Variants in CRISP1 observed in about 807,000 individuals in gnomAD.
The protein encoded by CRISP1 is cysteine-rich secretory protein 1.
In CRISP1, 44 loss-of-function variants were observed where a neutral mutation model predicts 33.1. That is an observed-to-expected ratio of 1.33 (90% confidence interval 1.05 to 1.71). The LOEUF is 1.71. Ranked by LOEUF, CRISP1 falls within the 40% of genes most tolerant of loss-of-function variation. The pLI is 0.00. For synonymous variants in CRISP1, 103 were observed against 98.7 expected, an observed-to-expected ratio of 1.04 and a Z score of -0.26; for missense variants, 390 against 301.2, an observed-to-expected ratio of 1.29 and a Z score of -2.18.
chr6:49,866,832 T>C (rs1771810387), upstream of CRISP1, among the ~76,000 whole-genome samples: 1 of 152,168 alleles, frequency 6.6e-6, no homozygotes, highest in Admixed American at 6.6e-5. Flanking sequence ...TTCTCAACTT[T>C]ATTAAATTCA....
At position 49,852,131 on chromosome 6, in the gene CRISP1, T is replaced by G. The variant is rs9463545; in HGVS notation, c.67-2A>C. 156 of 1,609,560 alleles carry G rather than the reference T, an allele frequency of 9.7e-5. No individual in the cohort carries two copies. The African/African-American group carries it at 1.9e-3, about 19-fold the overall frequency. On this transcript the variant is annotated splice_acceptor_variant, in intron 2 of 7. Transcript: ENST00000335847. LOFTEE classifies it high-confidence loss of function. ...AAATTGGTCTCTAGCTGATTTCTTC[T>G]GTTACCAGAAAAATATTAATTAGTG...
chr6:49,846,329 G>A (rs1394013588), intron 5 of CRISP1, among the ~76,000 whole-genome samples, 191 bp downstream of exon 5: 1 of 152,056 alleles, frequency 6.6e-6, no homozygotes, highest in Non-Finnish European at 1.5e-5. Context: ...GATACTAAGA[G>A]GTTAAGCATC....
chr6:49,872,763 T>G (rs1771954904), intron 1 of CRISP1, among the ~76,000 whole-genome samples: 1 of 152,150 alleles, frequency 6.6e-6, no homozygotes, highest in African/African-American at 2.4e-5. Flanking sequence ...GGTCTATATC[T>G]CTTTTTTGGT....
chr6:49,836,931 C>A (rs12216534), intron 7 of CRISP1, among the ~76,000 whole-genome samples: 14,708 of 151,978 alleles, frequency 0.097, 991 homozygotes, highest in Non-Finnish European at 0.15. Context: ...CTATCTTTAT[C>A]CTACTTTATT....
At chr6:49,872,220 A>G (rs1460254180) in intron 1 of CRISP1, among the ~76,000 whole-genome samples, 21 of 150,992 alleles carry the variant, frequency 1.4e-4, no homozygotes, top group African/African-American at 4.6e-4. Context: ...GTCTGTTCAT[A>G]TCCTTTGCCC....
chr6:49,851,081 A>G (rs941155206), intron 3 of CRISP1, among the ~76,000 whole-genome samples: 2 of 152,240 alleles, frequency 1.3e-5, no homozygotes, highest in Non-Finnish European at 2.9e-5. Context: ...TGGCTACAAC[A>G]CCATGCAGGA....
Position 49,848,265 on chromosome 6 carries a change from A to C in CRISP1, c.230T>G (p.Ile77Ser), listed in dbSNP as rs776687955. 5.6e-6 allele frequency: 9 copies of C among 1,608,790 alleles called. No homozygotes were observed. The East Asian group carries it at 2.0e-4, about 36-fold the overall frequency. ...TGTCATATCACAATACTTTGAAAAA[A>C]TTCTGGCATTTTGTGCAGCCTCTTC... The part of the protein sequence containing the change: ...WSEEAAQNAR[I>S]FSKYCDMTES... Residue 77 changes from isoleucine to serine, a missense_variant, in exon 4 of 8, where the codon ATT becomes AGT. Coordinates refer to ENST00000335847, the MANE Select transcript of CRISP1 (RefSeq NM_001131.3).
At chr6:49,864,827 T>C (rs1771758341) in intron 1 of CRISP1, among the ~76,000 whole-genome samples, 3 of 152,184 alleles carry the variant, frequency 2.0e-5, no homozygotes, top group Admixed American at 2.0e-4. Flanking sequence ...GTTTTACGAA[T>C]ACCTTCCCTT....
chr6:49,847,615 A>T (rs1324518993), intron 4 of CRISP1, among the ~76,000 whole-genome samples: 9 of 152,154 alleles, frequency 5.9e-5, no homozygotes, highest in Admixed American at 5.9e-4. Context: ...AAGCTAATGA[A>T]ATCTCTTCTT....
At chr6:49,852,398 A>G (rs1771375945) in intron 2 of CRISP1, among the ~76,000 whole-genome samples, 1 of 152,090 alleles carries the variant, frequency 6.6e-6, no homozygotes. Context: ...CATACTTTGG[A>G]CCATGTTGAA....
At chr6:49,845,582 A>T (rs887583866) in intron 5 of CRISP1, among the ~76,000 whole-genome samples, 1 of 152,214 alleles carries the variant, frequency 6.6e-6, no homozygotes, top group African/African-American at 2.4e-5. Flanking sequence ...TTTTCAAATA[A>T]TAAACACAGT....
intron 3 of CRISP1, 82 bp from the exon 4 acceptor site, chr6:49,848,381 A>G: frequency 1.3e-6 from 1 of 746,608 alleles, no homozygotes; most frequent in Non-Finnish European, 2.1e-6. Flanking sequence ...ATAATCCACG[A>G]GATATAATAT....
chr6:49,856,639 T>C (rs1369568100), intron 2 of CRISP1, among the ~76,000 whole-genome samples: 1 of 152,114 alleles, frequency 6.6e-6, no homozygotes, highest in East Asian at 1.9e-4. Context: ...CCTACGAAAA[T>C]ATAAAAACCA....
chr6:49,855,944 A>C (rs1408236053), intron 2 of CRISP1, among the ~76,000 whole-genome samples: 2 of 152,190 alleles, frequency 1.3e-5, no homozygotes, highest in African/African-American at 4.8e-5. Context: ...GGTTAAATTT[A>C]TCTTCTTGTT....
upstream of CRISP1, among the ~76,000 whole-genome samples, chr6:49,869,457 C>T (rs1359753071): frequency 6.6e-6 from 1 of 152,120 alleles, no homozygotes; most frequent in East Asian, 1.9e-4. Flanking sequence ...CAGAGTCTAG[C>T]TCTAATTCGA....
chr6:49,861,034 G>T (rs1273436003), intron 1 of CRISP1, among the ~76,000 whole-genome samples: 1 of 151,952 alleles, frequency 6.6e-6, no homozygotes, highest in Non-Finnish European at 1.5e-5. Context: ...AACCTACCAA[G>T]ATTGAATCAG....
intron 5 of CRISP1, among the ~76,000 whole-genome samples, chr6:49,845,920 A>G (rs1422429733): frequency 6.6e-6 from 1 of 152,206 alleles, no homozygotes; most frequent in African/African-American, 2.4e-5. Context: ...TTTATGAGGT[A>G]CTTTGAGTAG....
chr6:49,850,427 G>A (rs182087358), intron 3 of CRISP1, among the ~76,000 whole-genome samples: 1 of 151,922 alleles, frequency 6.6e-6, no homozygotes, highest in East Asian at 1.9e-4. Context: ...ATTTATGATC[G>A]TACCAAAGCT....
chr6:49,854,954 C>G lies in CRISP1; in HGVS notation c.66+2381G>C, dbSNP rs561966871. On this transcript the variant is annotated intron_variant, in intron 2 of 7. Transcript: ENST00000335847. The stretch of plus-strand genomic sequence containing the variant: ...GGCAATAAGGTTGAAGTTGGGAAAC[C>G]CTACATTAGAAATACTCCTATTAAA... Among the ~76,000 whole-genome samples, 284 of 152,174 alleles carry G rather than the reference C, an allele frequency of 1.9e-3. 1 individual carries two copies. The highest frequency in any genetic ancestry group is 3.3e-3 in the South Asian group (16 of 4,810).
Sources: allele counts gnomAD v4.1 joint callset (sites outside exome capture counted in the v4.1 genomes callset), GRCh38; gene constraint gnomAD v4.1.1; transcripts MANE v1.5; gene names NCBI Gene and HGNC (gene_info 2026-07-23, HGNC 2026-07-21).